Variants in NLGN1 observed in about 807,000 individuals in gnomAD.
The protein encoded by NLGN1 is neuroligin-1.
Under a neutral mutation model 65.5 loss-of-function variants are expected in NLGN1, and 12 were observed. The observed-to-expected ratio is 0.18, with a 90% CI of 0.12 to 0.30. The LOEUF is 0.30. Among genes scored for constraint, NLGN1 ranks in the 10% least tolerant of loss-of-function variants. The probability of loss-of-function intolerance (pLI) is 1.00; values close to 1 mark genes in which losing one functional copy is unlikely to be tolerated. For synonymous variants in NLGN1, 350 were observed against 359.5 expected (o/e 0.97, Z 0.30); for missense variants, 750 against 1,007.1 (o/e 0.74, Z 3.46).
At chr3:173,699,084 G>C (rs564129577) in intron 3 of NLGN1, among the ~76,000 whole-genome samples, 2 of 151,984 alleles carry the variant, frequency 1.3e-5, no homozygotes, top group African/African-American at 4.8e-5. Flanking sequence ...TCAAATTCCC[G>C]ACCACAGGTG....
At chr3:173,876,448 C>T (rs911043304) in intron 4 of NLGN1, among the ~76,000 whole-genome samples, 9 of 151,990 alleles carry the variant, frequency 5.9e-5, no homozygotes, top group African/African-American at 2.2e-4. Context: ...TCTTGCAATT[C>T]AGAATAATTA....
intron 2 of NLGN1, among the ~76,000 whole-genome samples, chr3:173,517,768 A>G (rs1448890015): frequency 6.6e-6 from 1 of 151,556 alleles, no homozygotes; most frequent in African/African-American, 2.4e-5. Flanking sequence ...CTATCTATCT[A>G]TCTATCTATC....
chr3:173,571,926 A>C (rs1177166882), intron 2 of NLGN1, among the ~76,000 whole-genome samples: 3 of 152,240 alleles, frequency 2.0e-5, no homozygotes, highest in African/African-American at 4.8e-5. Flanking sequence ...AGGTTGAAGG[A>C]AATAGATAAC....
At chr3:173,414,083 A>G (rs1386169495) in intron 1 of NLGN1, among the ~76,000 whole-genome samples, 1 of 152,184 alleles carries the variant, frequency 6.6e-6, no homozygotes, top group Non-Finnish European at 1.5e-5. Context: ...ACATTGTATT[A>G]GGATGTGAAC....
At chr3:173,827,328 C>A (rs983030) in intron 4 of NLGN1, among the ~76,000 whole-genome samples, 1 of 151,818 alleles carries the variant, frequency 6.6e-6, no homozygotes, top group African/African-American at 2.4e-5. Context: ...AATAAACATA[C>A]GATATTTAAG....
In NLGN1 at chr3:173,737,196, C is replaced by A. The variant is rs139479151; in HGVS notation, c.494-70484C>A. ...TTCCACACTAGACAACGAAAGACAA[C>A]TTCCTGTATGATTGCTAATATAAAG... On this transcript the variant is annotated intron_variant, in intron 3 of 6. Transcript: ENST00000457714. Among the ~76,000 whole-genome samples the A allele has an allele frequency of 4.4e-3, 670 of 151,224 alleles. 5 individuals carry two copies. The highest frequency in any genetic ancestry group is 0.016 in the African/African-American group (641 of 41,206).
At chr3:173,830,019 G>GGGGGGT (rs58524463) in intron 4 of NLGN1, among the ~76,000 whole-genome samples, 1 of 140,982 alleles carries the variant, frequency 7.1e-6, no homozygotes, top group Non-Finnish European at 1.5e-5. Context: ...GGGGGGGGAG[G>GGGGGGT]GAGAGAATAA....
At chr3:174,260,565 A>T (rs1312949752) in intron 4 of NLGN1, among the ~76,000 whole-genome samples, 27 of 142,314 alleles carry the variant, frequency 1.9e-4, no homozygotes, top group African/African-American at 7.1e-4. Context: ...GTTTGAGTTC[A>T]TTGTAGATTC....
chr3:173,420,858 C>T (rs990022100), intron 1 of NLGN1, among the ~76,000 whole-genome samples: 5 of 152,214 alleles, frequency 3.3e-5, no homozygotes, highest in Non-Finnish European at 5.9e-5. Flanking sequence ...AAAATTTTTA[C>T]ACATAGTTGA....
At chr3:173,536,776 T>TGTGTGC (rs1317539689) in intron 2 of NLGN1, among the ~76,000 whole-genome samples, 3 of 152,172 alleles carry the variant, frequency 2.0e-5, no homozygotes, top group Non-Finnish European at 4.4e-5. Context: ...CGTGTGTGTG[T>TGTGTGC]GTGTGCGTAG....
intron 2 of NLGN1, among the ~76,000 whole-genome samples, chr3:173,472,522 C>T (rs1725481034): frequency 6.6e-6 from 1 of 151,536 alleles, no homozygotes; most frequent in South Asian, 2.1e-4. Flanking sequence ...TTTCACTTAT[C>T]AAATTGTATT....
intron 4 of NLGN1, among the ~76,000 whole-genome samples, chr3:173,833,666 G>A (rs1470816727): frequency 2.0e-5 from 3 of 151,906 alleles, no homozygotes; most frequent in Non-Finnish European, 2.9e-5. Context: ...CTGCGGGCAT[G>A]CACCACCACA....
At chr3:174,017,180 G>A (rs1218494159) in intron 4 of NLGN1, among the ~76,000 whole-genome samples, 3 of 152,116 alleles carry the variant, frequency 2.0e-5, no homozygotes, top group Non-Finnish European at 4.4e-5. Context: ...CAGATGAAAA[G>A]CCTAGATCAT....
At chr3:173,539,920 C>CGT (rs143354352) in intron 2 of NLGN1, among the ~76,000 whole-genome samples, 3,100 of 140,888 alleles carry the variant, frequency 0.022, 36 homozygotes, top group Middle Eastern at 0.05. Flanking sequence ...ATATAACATA[C>CGT]GTGTGTGTGT....
At chr3:173,885,920 A>G (rs900103535) in intron 4 of NLGN1, among the ~76,000 whole-genome samples, 1 of 152,130 alleles carries the variant, frequency 6.6e-6, no homozygotes, top group South Asian at 2.1e-4. Context: ...GAAAAACACA[A>G]CTATGTAACT....
chr3:173,436,573 CA>C (rs765913990), intron 2 of NLGN1, among the ~76,000 whole-genome samples: 1 of 152,180 alleles, frequency 6.6e-6, no homozygotes, highest in Non-Finnish European at 1.5e-5. Flanking sequence ...TCCATATCTA[CA>C]GGTTTTTATC....
At chr3:173,593,913 T>C (rs1748990230) in intron 2 of NLGN1, among the ~76,000 whole-genome samples, 1 of 152,198 alleles carries the variant, frequency 6.6e-6, no homozygotes, top group East Asian at 1.9e-4. Flanking sequence ...AACCATCAGA[T>C]CTCATGAGAC....
intron 4 of NLGN1, among the ~76,000 whole-genome samples, chr3:174,000,219 A>C (rs963341038): frequency 5.9e-5 from 9 of 152,056 alleles, no homozygotes; most frequent in Admixed American, 1.3e-4. Flanking sequence ...TTTAGTGTAA[A>C]ACCTTAAAGA....
At chr3:174,129,733 TTAA>T (rs1258954132) in intron 4 of NLGN1, among the ~76,000 whole-genome samples, 3 of 152,166 alleles carry the variant, frequency 2.0e-5, no homozygotes, top group African/African-American at 7.2e-5. Flanking sequence ...AAATTTGTAT[TTAA>T]TAATGTTTTT....
Sources: gnomAD v4.1 joint callset for allele counts (sites outside exome capture counted in the v4.1 genomes callset) on GRCh38, gnomAD v4.1.1 for gene constraint, MANE v1.5 for transcripts, NCBI Gene and HGNC (gene_info 2026-07-23, HGNC 2026-07-21) for gene names.